Variants in CNNM2 observed in about 807,000 individuals in gnomAD.
CNNM2 encodes the protein metal transporter CNNM2.
In CNNM2, 12 loss-of-function variants were observed where a neutral mutation model predicts 66.9. The ratio of observed to expected loss-of-function variants is 0.18; its 90% CI spans 0.11 to 0.29. The LOEUF is 0.29. Ranked by LOEUF, CNNM2 falls within the 10% of genes least tolerant of loss-of-function variation. The pLI, the probability that CNNM2 is intolerant of heterozygous loss-of-function variation, is 1.00. For missense variants in CNNM2, 705 were observed against 1,167.7 expected, an observed-to-expected ratio of 0.60 and a Z score of 5.77; for synonymous variants, 557 against 501.8, an observed-to-expected ratio of 1.11 and a Z score of -1.47.
At chr10:103,061,888 CAGT>C (rs2065392035) in intron 4 of CNNM2, among the ~76,000 whole-genome samples, 1 of 152,068 alleles carries the variant, frequency 6.6e-6, no homozygotes, top group South Asian at 2.1e-4. Context: ...ATATTTATAT[CAGT>C]AGATGTCAGA....
intron 1 of CNNM2, among the ~76,000 whole-genome samples, chr10:103,028,357 C>G (rs1443308280): frequency 6.6e-6 from 1 of 152,130 alleles, no homozygotes; most frequent in Non-Finnish European, 1.5e-5. Flanking sequence ...ATTTGAGTAT[C>G]AGAGTCTCGG....
chr10:103,048,285 G>A (rs572800378), intron 1 of CNNM2, among the ~76,000 whole-genome samples: 225 of 146,766 alleles, frequency 1.5e-3, no homozygotes, highest in African/African-American at 5.4e-3. Context: ...GCACAATCTC[G>A]GCTCACTGCA....
Position 103,044,003 on chromosome 10 carries a change from C to A in CNNM2, c.1622-5704C>A, listed in dbSNP as rs370056447. 3.3e-5 allele frequency among the ~76,000 whole-genome samples: 5 copies of A among 152,114 alleles called. No individual in the cohort carries two copies. The East Asian group carries it at 5.8e-4, about 18-fold the overall frequency. The stretch of plus-strand genomic sequence containing the variant: ...AAAGGGCGCTCTCCCAAGCCCTGAT[C>A]GTGACAACAATTTATGCTTTATTTG... On this transcript the variant is annotated intron_variant, in intron 1 of 7. Transcript: ENST00000369878.
intron 1 of CNNM2, among the ~76,000 whole-genome samples, chr10:102,987,280 A>C (rs895476789): frequency 1.3e-5 from 2 of 151,764 alleles, no homozygotes; most frequent in African/African-American, 2.4e-5. Context: ...TAGGACTTAC[A>C]TATATATATA....
intron 3 of CNNM2, 23 bp from the exon 4 acceptor site, chr10:103,056,772 T>G: frequency 6.2e-7 from 1 of 1,608,340 alleles, no homozygotes; most frequent in Non-Finnish European, 8.5e-7. Context: ...AAATGTAATA[T>G]CAAGTTGTGT....
At chr10:102,965,882 T>C (rs976858049) in intron 1 of CNNM2, among the ~76,000 whole-genome samples, 49 of 152,318 alleles carry the variant, frequency 3.2e-4, no homozygotes, top group Middle Eastern at 3.4e-3. Context: ...GTCTCTGTGT[T>C]TTCTGTTTCA....
At chr10:102,921,127 C>CTT in intron 1 of CNNM2, 1 of 710,106 alleles carries the variant, frequency 1.4e-6, no homozygotes, top group Non-Finnish European at 1.7e-6. Flanking sequence ...TAAATAGCAA[C>CTT]TTGTACTATT....
At chr10:102,980,885 T>A (rs1315794403) in intron 1 of CNNM2, among the ~76,000 whole-genome samples, 42 of 152,226 alleles carry the variant, frequency 2.8e-4, no homozygotes, top group Admixed American at 2.7e-3. Flanking sequence ...CTTTGCTTAC[T>A]TTTCTTCACA....
chr10:103,054,589 T>C lies in CNNM2; in HGVS notation c.1903+123T>C, dbSNP rs2065266929. On this transcript the variant is annotated intron_variant, in intron 3 of 7. Coordinates refer to ENST00000369878, the MANE Select transcript of CNNM2 (RefSeq NM_017649.5). The surrounding 1 kb of genome is among the most constrained non-coding windows in gnomAD (Gnocchi z 5.2). ...ATGGGGTGATAAGTAATGCCACTTTTGTGTTTTGTTTTTTTTGTTTTTTTG... is the reference window on the plus strand; with the variant it reads ...ATGGGGTGATAAGTAATGCCACTTTCGTGTTTTGTTTTTTTTGTTTTTTTG... The C allele has an allele frequency of 9.9e-7, 1 of 1,011,450 alleles. No homozygotes were observed. Among genetic ancestry groups the C allele is most frequent in the African/African-American group, 1.6e-5 (1 of 62,060 alleles). 62.7% of individuals were successfully genotyped at this position (1,011,450 alleles called of 1,614,324 possible). A position where few individuals can be genotyped will look rare whatever the true frequency, so the allele number is the denominator to read the frequency against.
intron 1 of CNNM2, among the ~76,000 whole-genome samples, chr10:102,941,214 T>A (rs370171318): frequency 1.3e-5 from 2 of 152,186 alleles, no homozygotes; most frequent in East Asian, 3.9e-4. Context: ...CTTACCAGTT[T>A]GTTAAAAACC....
At chr10:103,027,897 C>T (rs972518851) in intron 1 of CNNM2, among the ~76,000 whole-genome samples, 12 of 152,110 alleles carry the variant, frequency 7.9e-5, no homozygotes, top group African/African-American at 1.4e-4. Flanking sequence ...CATTTACAGA[C>T]GGTCAAAGTG....
At chr10:103,069,362 G>GT (rs1375363908) in intron 5 of CNNM2, among the ~76,000 whole-genome samples, 1 of 152,176 alleles carries the variant, frequency 6.6e-6, no homozygotes, top group Admixed American at 6.5e-5. Flanking sequence ...GTCAGAGGGT[G>GT]TGCCTCTGGA....
intron 1 of CNNM2, among the ~76,000 whole-genome samples, chr10:102,958,628 G>A (rs558941305): frequency 1.3e-5 from 2 of 151,496 alleles, no homozygotes; most frequent in South Asian, 2.1e-4. Flanking sequence ...ATGCCACCAC[G>A]CCCAGCTAAT....
rs1203418468 is a variant in CNNM2, at chr10:103,054,110, G to A, written c.1766-219G>A. ...TACATTCACTAATCAGGCTGCCTGC[G>A]GTCACTCGCTGCGGACTGCGTGGTG... On this transcript the variant is annotated intron_variant, in intron 2 of 7. Coordinates refer to ENST00000369878, the MANE Select transcript of CNNM2 (RefSeq NM_017649.5). This position sits in a 1 kb window ranked among gnomAD's most constrained non-coding sequence, Gnocchi z 5.2. Among the ~76,000 whole-genome samples the A allele has an allele frequency of 6.6e-6, 1 of 152,122 alleles. No individual in the cohort carries two copies. The highest frequency in any genetic ancestry group is 1.5e-5 in the Non-Finnish European group (1 of 68,036).
At chr10:103,066,959 A>G (rs993143113) in intron 4 of CNNM2, among the ~76,000 whole-genome samples, 2 of 152,080 alleles carry the variant, frequency 1.3e-5, no homozygotes, top group Admixed American at 1.3e-4. Context: ...TTGGCTAGGG[A>G]CTGGTGAACT....
intron 2 of CNNM2, among the ~76,000 whole-genome samples, chr10:103,053,947 G>T (rs1345238794): frequency 3.3e-5 from 5 of 152,178 alleles, no homozygotes; most frequent in Admixed American, 3.3e-4. Flanking sequence ...CTGGAGGATG[G>T]TGACATTGAG....
intron 1 of CNNM2, among the ~76,000 whole-genome samples, chr10:102,958,460 T>G (rs1465645806): frequency 9.5e-5 from 1 of 10,506 alleles, no homozygotes; most frequent in East Asian, 7.6e-3. Flanking sequence ...AAGCAACTTG[T>G]TTTTTTTTTT....
At chr10:102,998,700 C>T (rs918131452) in intron 1 of CNNM2, among the ~76,000 whole-genome samples, 5 of 151,894 alleles carry the variant, frequency 3.3e-5, no homozygotes, top group South Asian at 2.1e-4. Flanking sequence ...AGGTTTAGGC[C>T]GGCAGGGTGA....
chr10:102,956,993 A>G (rs1847065561), intron 1 of CNNM2, among the ~76,000 whole-genome samples: 1 of 152,096 alleles, frequency 6.6e-6, no homozygotes, highest in South Asian at 2.1e-4. Flanking sequence ...TAATAATAAT[A>G]ATTTTTTTAA....
Sources: gnomAD v4.1 joint callset for allele counts (sites outside exome capture counted in the v4.1 genomes callset) on GRCh38, gnomAD v4.1.1 for gene constraint, Gnocchi (gnomAD v3.1) non-coding constraint, MANE v1.5 for transcripts, NCBI Gene and HGNC (gene_info 2026-07-23, HGNC 2026-07-21) for gene names.